CCDC38: variants seen among roughly 807,000 people sequenced by gnomAD.
CCDC38 encodes coiled-coil domain containing 38.
CCDC38 carries 69 observed loss-of-function variants against 72.8 expected under a neutral mutation model. That is an observed-to-expected ratio of 0.95 (90% CI 0.78 to 1.16). CCDC38 has a LOEUF of 1.16. Ranked by LOEUF, CCDC38 falls within the 50% of genes most tolerant of loss-of-function variation. The pLI, the probability that CCDC38 is intolerant of heterozygous loss-of-function variation, is 0.00. For missense variants in CCDC38, 626 were observed against 638.9 expected (o/e 0.98, Z 0.22); for synonymous variants, 201 against 213.2 (o/e 0.94, Z 0.50).
chr12:95,885,017 G>T (rs2079742495), intron 10 of CCDC38, among the ~76,000 whole-genome samples: 1 of 152,090 alleles, frequency 6.6e-6, no homozygotes, highest in Non-Finnish European at 1.5e-5. Flanking sequence ...TATAGATAAG[G>T]TTATTTTAAA....
upstream of CCDC38, chr12:95,942,962 C>G (rs900056865): frequency 6.4e-6 from 1 of 156,752 alleles, no homozygotes; most frequent in Non-Finnish European, 1.4e-5. Context: ...CATGGCCCCC[C>G]TTCCGGGGCT....
Position 95,898,578 on chromosome 12 carries a change from C to T in CCDC38, c.523G>A (p.Ala175Thr), listed in dbSNP as rs200003296. 3.1e-5 allele frequency: 50 copies of T among 1,613,952 alleles called. No homozygotes were observed. Among genetic ancestry groups the T allele is most frequent in the Middle Eastern group, 3.3e-4 (2 of 6,084 alleles). Residue 175 changes from alanine to threonine, a missense_variant, in exon 6 of 16, where the codon GCT (alanine) becomes ACT (threonine). Ala to Thr is a moderately conservative substitution (Grantham distance 58, BLOSUM62 0). Transcript: ENST00000344280. ...AGTGATGAAACAAACATTTTCAGAG[C>T]GTCTACAGATCTCTGGTCATTTTCT... ...LRENDQRSVD[A>T]LKMAAQETIN...
At chr12:95,867,337 A>T (rs2079531069) in intron 15 of CCDC38, 148 bp from the exon 16 acceptor site, 3 of 608,776 alleles carry the variant, frequency 4.9e-6, no homozygotes, top group Non-Finnish European at 8.8e-6. Context: ...GGGACTTATA[A>T]CCTAACGGAT....
intron 11 of CCDC38, among the ~76,000 whole-genome samples, chr12:95,880,912 A>G (rs2196457): frequency 0.32 from 48,956 of 152,060 alleles, 8,210 homozygotes; most frequent in Non-Finnish European, 0.35. Context: ...CTAGAGATCT[A>G]TTGCTTACAG....
At position 95,895,067 on chromosome 12, in the gene CCDC38, A is replaced by G; in HGVS notation, c.694T>C (p.Trp232Arg). 6.2e-7 allele frequency: 1 copy of G among 1,613,392 alleles called. No homozygotes were observed. Among genetic ancestry groups the G allele is most frequent in the Non-Finnish European group, 8.5e-7 (1 of 1,179,738 alleles). ...CTTTTTAGTGCTTGCTGGATTTGCCAATGTTTTGGAGACATTTGCAGCAGA... is the reference window on the plus strand; with the variant it reads ...CTTTTTAGTGCTTGCTGGATTTGCCGATGTTTTGGAGACATTTGCAGCAGA... ...FFLLQMSPKH[W>R]QIQQALKRAQ... Residue 232 changes from tryptophan to arginine, a missense_variant, in exon 8 of 16, where the codon TGG (tryptophan) becomes CGG (arginine). Physicochemically the swap from Trp to Arg is moderately radical, Grantham distance 101 (BLOSUM62 -3). Coordinates refer to ENST00000344280, the MANE Select transcript of CCDC38 (RefSeq NM_182496.3).
At chr12:95,868,597 C>T (rs2079548347) in intron 15 of CCDC38, among the ~76,000 whole-genome samples, 1 of 152,170 alleles carries the variant, frequency 6.6e-6, no homozygotes, top group African/African-American at 2.4e-5. Flanking sequence ...TTGTAAGGCA[C>T]ACAGTAAGCA....
At chr12:95,910,470 T>C (rs2080080514) in intron 4 of CCDC38, among the ~76,000 whole-genome samples, 1 of 152,220 alleles carries the variant, frequency 6.6e-6, no homozygotes. Context: ...ACAATCAATG[T>C]CATTAAAAAT....
intron 10 of CCDC38, among the ~76,000 whole-genome samples, chr12:95,886,410 A>C (rs1354201686): frequency 2.6e-5 from 4 of 152,214 alleles, no homozygotes; most frequent in African/African-American, 9.6e-5. Flanking sequence ...GGCTAGGGAA[A>C]ACGTTTTAGA....
chr12:95,898,585 A>C lies in CCDC38; in HGVS notation c.516T>G (p.Ser172=). The C allele has an allele frequency of 6.2e-7, 1 of 1,614,160 alleles. No individual in the cohort carries two copies. The change falls in exon 6 of 16, where the codon TCT becomes TCG. Residue 172 remains serine, a synonymous_variant. Coordinates refer to ENST00000344280, the MANE Select transcript of CCDC38 (RefSeq NM_182496.3). The stretch of plus-strand genomic sequence containing the variant: ...AAACAAACATTTTCAGAGCGTCTAC[A>C]GATCTCTGGTCATTTTCTCGAAGGA... ...EEFLRENDQR[S]VDALKMAAQE...
intron 2 of CCDC38, among the ~76,000 whole-genome samples, chr12:95,924,299 G>A (rs1481135151): frequency 6.8e-6 from 1 of 147,426 alleles, no homozygotes; most frequent in Admixed American, 6.8e-5. Flanking sequence ...GCCAGTGATG[G>A]TGAGCATTTT....
At chr12:95,943,172 AAG>A (rs920910210), upstream of CCDC38, 9 of 503,010 alleles carry the variant, frequency 1.8e-5, no homozygotes, top group Non-Finnish European at 2.7e-5. Context: ...ACGACCAAAA[AAG>A]AGAGGATTCC....
intron 7 of CCDC38, among the ~76,000 whole-genome samples, chr12:95,897,488 T>C (rs1248527759): frequency 6.6e-6 from 1 of 150,998 alleles, no homozygotes; most frequent in Non-Finnish European, 1.5e-5. Context: ...TGGGCACCTG[T>C]AATCCCAGCT....
At chr12:95,868,675 A>G (rs1256348672) in intron 15 of CCDC38, among the ~76,000 whole-genome samples, 1 of 152,170 alleles carries the variant, frequency 6.6e-6, no homozygotes, top group African/African-American at 2.4e-5. Flanking sequence ...ATAACCATGA[A>G]ATTGTCTTTC....
rs77876586 is a variant in CCDC38, at chr12:95,877,943, G to A, written c.1278+268C>T. Among the ~76,000 whole-genome samples, 26 of 152,280 alleles carry A rather than the reference G, an allele frequency of 1.7e-4. 1 individual carries two copies. In the East Asian group the frequency reaches 5.0e-3, roughly 29 times the overall value. On this transcript the variant is annotated intron_variant, in intron 13 of 15. Coordinates refer to ENST00000344280, the MANE Select transcript of CCDC38 (RefSeq NM_182496.3). ...ACATATGTCTAGGCTCTGAAGAAAT[G>A]TATTTCGAGGGGAAACTATGGTCAA...
chr12:95,873,744 G>C (rs2079606840), intron 13 of CCDC38, among the ~76,000 whole-genome samples: 1 of 152,126 alleles, frequency 6.6e-6, no homozygotes, highest in South Asian at 2.1e-4. Flanking sequence ...GAGAGAGGTG[G>C]CTCCTGGAGC....
At chr12:95,868,828 T>C (rs574486709) in intron 15 of CCDC38, among the ~76,000 whole-genome samples, 2 of 152,268 alleles carry the variant, frequency 1.3e-5, no homozygotes, top group South Asian at 4.1e-4. Context: ...TCTTGCAAAA[T>C]AAAGAACTTT....
intron 1 of CCDC38, among the ~76,000 whole-genome samples, 155 bp from the exon 2 acceptor site, chr12:95,936,678 A>G (rs2080398127): frequency 6.6e-6 from 1 of 152,238 alleles, no homozygotes; most frequent in African/African-American, 2.4e-5. Context: ...CAATTCTGGT[A>G]TCTTATGTCA....
At chr12:95,933,436 G>A (rs1022983429) in intron 2 of CCDC38, 1 of 152,180 alleles carries the variant, frequency 6.6e-6, no homozygotes, top group Non-Finnish European at 1.5e-5. Flanking sequence ...AACATATGAA[G>A]AGTTGTTCAA....
intron 9 of CCDC38, 24 bp downstream of exon 9, chr12:95,890,808 C>T: frequency 7.0e-7 from 1 of 1,434,080 alleles, no homozygotes; most frequent in East Asian, 2.3e-5. Flanking sequence ...GTTTTACTTT[C>T]ATGAGTCCCA....
Sources: gnomAD v4.1 joint callset for allele counts (sites outside exome capture counted in the v4.1 genomes callset) on GRCh38, gnomAD v4.1.1 for gene constraint, MANE v1.5 for transcripts, NCBI Gene and HGNC (gene_info 2026-07-23, HGNC 2026-07-21) for gene names.